The following ZNF519 variants were observed in gnomAD, a reference collection of about 807,000 sequenced individuals.
ZNF519 encodes the protein zinc finger protein 519.
ZNF519 carries 7 observed loss-of-function variants against 7.4 expected under a neutral mutation model. The ratio of observed to expected loss-of-function variants is 0.94; its 90% CI spans 0.54 to 1.77. The LOEUF is 1.77. Ranked by LOEUF, ZNF519 falls within the 40% of genes most tolerant of loss-of-function variation. The probability of loss-of-function intolerance (pLI) is 0.00; values close to 1 mark genes in which losing one functional copy is unlikely to be tolerated. For synonymous variants in ZNF519, 179 were observed against 203.3 expected (o/e 0.88, Z 1.02); for missense variants, 586 against 623.1 (o/e 0.94, Z 0.63).
intron 2 of ZNF519, among the ~76,000 whole-genome samples, chr18:14,117,176 A>G (rs2046250111): frequency 6.6e-6 from 1 of 151,800 alleles, no homozygotes; most frequent in Admixed American, 6.6e-5. Context: ...GCAGAAGAAG[A>G]AAAAAAAATT....
intron 2 of ZNF519, among the ~76,000 whole-genome samples, chr18:14,114,955 A>C (rs1419657369): frequency 6.6e-6 from 1 of 152,114 alleles, no homozygotes; most frequent in Non-Finnish European, 1.5e-5. Flanking sequence ...TAAAAAATAA[A>C]ATTTAAAAGT....
rs760469885 is a variant in ZNF519, at chr18:14,105,997, G to T, written c.543C>A (p.Tyr181Ter). 1.3e-6 allele frequency: 2 copies of T among 1,580,084 alleles called. No homozygotes were observed. Among genetic ancestry groups the T allele is most frequent in the Non-Finnish European group, 1.7e-6 (2 of 1,159,212 alleles). Residue 181 changes from tyrosine (Y) to a stop codon, truncating the protein, a stop_gained, in exon 3 of 3, where the codon TAC becomes TAA. Transcript: ENST00000590202. LOFTEE classifies it low-confidence loss of function (END_TRUNC). ...ATACTTTTTCACATTCATTACAATT[G>T]TAATAGTTTTCTAGAAAATGAGTAC... ...HHSTHFLENY[Y>*]NCNECEKVFY...
rs764312275 is a variant in ZNF519, at chr18:14,105,480, C to A, written c.1060G>T (p.Gly354Cys). 88 of 1,613,892 alleles carry A rather than the reference C, an allele frequency of 5.5e-5. No individual in the cohort carries two copies. The South Asian group carries it at 9.4e-4, about 17-fold the overall frequency. Residue 354 changes from glycine to cysteine, a missense_variant, in exon 3 of 3, where the codon GGC becomes TGC. Gly to Cys is a radical substitution (Grantham distance 159). Transcript: ENST00000590202. ...TATGACCCCCTGTTAAAGGCTTTGC[C>A]ACATTCTTCACATTTGAAAGCTCTC... ...GERAFKCEEC[G>C]KAFNRGSYLT...
chr18:14,099,420 TA>T (rs1461471557), downstream of ZNF519, among the ~76,000 whole-genome samples: 1 of 152,168 alleles, frequency 6.6e-6, no homozygotes, highest in African/African-American at 2.4e-5. Context: ...AGCTGCCCAA[TA>T]AAAGCATTTC....
At chr18:14,123,414 C>T (rs3887410) in intron 2 of ZNF519, among the ~76,000 whole-genome samples, 30,969 of 151,962 alleles carry the variant, frequency 0.2, 3,437 homozygotes, top group Middle Eastern at 0.24. Context: ...CCAGTACTAT[C>T]GAATCAAAAA....
chr18:14,114,445 T>C (rs369727746), intron 2 of ZNF519, among the ~76,000 whole-genome samples: 11 of 152,338 alleles, frequency 7.2e-5, no homozygotes, highest in African/African-American at 2.4e-4. Context: ...AGGTTTGCTA[T>C]AGCTATATGG....
chr18:14,086,595 C>T (rs947935962), intron 2 of ZNF519, among the ~76,000 whole-genome samples: 10 of 152,188 alleles, frequency 6.6e-5, no homozygotes, highest in Admixed American at 5.9e-4. Context: ...GCCCTGGGCA[C>T]AGCCCTGCAG....
intron 1 of ZNF519, among the ~76,000 whole-genome samples, chr18:14,131,283 G>C (rs1314359872): frequency 6.6e-6 from 1 of 152,190 alleles, no homozygotes; most frequent in African/African-American, 2.4e-5. Flanking sequence ...TAGAAAATAA[G>C]TATTTTACAA....
At chr18:14,097,583 C>A (rs1407353192), downstream of ZNF519, among the ~76,000 whole-genome samples, 2 of 152,110 alleles carry the variant, frequency 1.3e-5, no homozygotes, top group Admixed American at 6.5e-5. Flanking sequence ...CATTAGGGAG[C>A]CCTTGTGGAA....
intron 3 of ZNF519, among the ~76,000 whole-genome samples, chr18:14,079,165 T>G (rs1451832914): frequency 2.0e-5 from 3 of 152,152 alleles, no homozygotes; most frequent in African/African-American, 7.2e-5. Flanking sequence ...CCCACAGAGG[T>G]GACTTGTCTA....
At chr18:14,107,455 T>C (rs1387770739) in intron 2 of ZNF519, among the ~76,000 whole-genome samples, 1 of 152,184 alleles carries the variant, frequency 6.6e-6, no homozygotes, top group African/African-American at 2.4e-5. Flanking sequence ...TGCTATGAGC[T>C]TTCATTGGGA....
intron 3 of ZNF519, chr18:14,082,923 G>A (rs1267881783): frequency 6.6e-6 from 1 of 152,290 alleles, no homozygotes; most frequent in Non-Finnish European, 1.5e-5. Flanking sequence ...GGCCTCAAGT[G>A]GTCCTCCTGT....
downstream of ZNF519, among the ~76,000 whole-genome samples, chr18:14,095,118 T>C (rs904213722): frequency 1.3e-5 from 2 of 152,120 alleles, no homozygotes; most frequent in African/African-American, 2.4e-5. Context: ...TCTCGTGTAT[T>C]GGAGAATTCC....
At chr18:14,091,521 G>A (rs1042313233) in intron 2 of ZNF519, among the ~76,000 whole-genome samples, 4 of 152,168 alleles carry the variant, frequency 2.6e-5, no homozygotes, top group Non-Finnish European at 5.9e-5. Context: ...AAGAGTGGGG[G>A]TACAGGAGTA....
chr18:14,124,184 A>G (rs2046284555), intron 2 of ZNF519, 166 bp downstream of exon 2: 1 of 633,702 alleles, frequency 1.6e-6, no homozygotes, highest in Non-Finnish European at 2.4e-6. Flanking sequence ...AATTAAAAAA[A>G]AAAAAAAAAG....
downstream of ZNF519, among the ~76,000 whole-genome samples, chr18:14,095,489 G>C (rs1196471152): frequency 2.0e-5 from 3 of 152,238 alleles, no homozygotes; most frequent in Non-Finnish European, 4.4e-5. Context: ...GACCAAGGCA[G>C]CACAGAGACA....
intron 2 of ZNF519, among the ~76,000 whole-genome samples, chr18:14,093,441 CA>C (rs2046122186): frequency 6.6e-6 from 1 of 152,128 alleles, no homozygotes; most frequent in African/African-American, 2.4e-5. Context: ...TTATCTTTGA[CA>C]GTTAATACAT....
chr18:14,128,725 A>ACACACACACACACACAC (rs56225613), intron 1 of ZNF519, among the ~76,000 whole-genome samples: 2 of 148,496 alleles, frequency 1.3e-5, no homozygotes, highest in African/African-American at 2.5e-5. Flanking sequence ...ACACACACAC[A>ACACACACACACACACAC]AAACCAAATG....
chr18:14,081,953 TTTATA>T (rs1266130001), intron 3 of ZNF519, among the ~76,000 whole-genome samples: 6 of 151,860 alleles, frequency 4.0e-5, no homozygotes, highest in South Asian at 2.1e-4. Context: ...AACAAGACTG[TTTATA>T]TTATATTAGG....
Sources: allele counts gnomAD v4.1 joint callset (sites outside exome capture counted in the v4.1 genomes callset), GRCh38; gene constraint gnomAD v4.1.1; transcripts MANE v1.5; gene names NCBI Gene and HGNC (gene_info 2026-07-23, HGNC 2026-07-21).